The following IL1RAPL1 variants were observed in gnomAD, a reference collection of about 807,000 sequenced individuals.
The protein encoded by IL1RAPL1 is interleukin-1 receptor accessory protein-like 1.
IL1RAPL1 carries 3 observed loss-of-function variants against 48.4 expected under a neutral mutation model. The ratio of observed to expected loss-of-function variants is 0.06; its 90% CI spans 0.03 to 0.16. The LOEUF is 0.16. Among genes scored for constraint, IL1RAPL1 ranks in the 10% least tolerant of loss-of-function variants. The probability of loss-of-function intolerance (pLI) is 1.00; values close to 1 mark genes in which losing one functional copy is unlikely to be tolerated. For synonymous variants in IL1RAPL1, 185 were observed against 187.7 expected (o/e 0.99, Z 0.12); for missense variants, 349 against 530.6 (o/e 0.66, Z 3.36).
chrX:28,810,488 A>C, intron 2 of IL1RAPL1, among the ~76,000 whole-genome samples: 1 of 111,003 alleles, frequency 9.0e-6, no homozygotes, highest in Non-Finnish European at 1.9e-5. Flanking sequence ...CACAGGTATA[A>C]CTATCAATAA....
intron 6 of IL1RAPL1, among the ~76,000 whole-genome samples, chrX:29,683,460 C>T (rs993469423): frequency 1.8e-5 from 2 of 111,994 alleles, no homozygotes; most frequent in Non-Finnish European, 3.8e-5. Context: ...CTTAATTTAT[C>T]TTTGCTTTGA....
At chrX:29,669,932 C>T (rs1363448484) in intron 6 of IL1RAPL1, among the ~76,000 whole-genome samples, 1 of 111,560 alleles carries the variant, frequency 9.0e-6, no homozygotes, top group East Asian at 2.8e-4. Flanking sequence ...TAGCCATGCT[C>T]ATACTGATCT....
At chrX:29,499,432 AT>A (rs1193082507) in intron 5 of IL1RAPL1, among the ~76,000 whole-genome samples, 9 of 110,956 alleles carry the variant, frequency 8.1e-5, no homozygotes, top group African/African-American at 3.0e-4. Context: ...CAGCCTTATG[AT>A]TTTGTCAAAT....
At chrX:29,105,234 A>C (rs1928424851) in intron 2 of IL1RAPL1, among the ~76,000 whole-genome samples, 2 of 112,152 alleles carry the variant, frequency 1.8e-5, no homozygotes, top group Middle Eastern at 4.6e-3. Flanking sequence ...CCAGTCAATG[A>C]ACCAAAGAAA....
At position 29,526,470 on chromosome X, in the gene IL1RAPL1, C is replaced by T. The variant is rs981964069; in HGVS notation, c.703+127162C>T. On this transcript the variant is annotated intron_variant, in intron 5 of 10. Coordinates refer to ENST00000378993, the MANE Select transcript of IL1RAPL1 (RefSeq NM_014271.4). Reference sequence around the variant, plus strand: ...AACTAGAAAAGAAGAAGTAAAATTCCCTCTATTTGCAGATAACATGATAGT... The same window carrying T: ...AACTAGAAAAGAAGAAGTAAAATTCTCTCTATTTGCAGATAACATGATAGT... Among the ~76,000 whole-genome samples the T allele has an allele frequency of 3.6e-5, 4 of 111,211 alleles. No individual in the cohort carries two copies. The Admixed American group carries it at 3.8e-4, about 11-fold the overall frequency.
intron 8 of IL1RAPL1, among the ~76,000 whole-genome samples, chrX:29,931,303 A>C (rs966506041): frequency 1.8e-5 from 2 of 111,854 alleles, no homozygotes; most frequent in Admixed American, 1.9e-4. Context: ...AACATAGAGA[A>C]TAAATATATT....
chrX:29,334,895 A>G (rs1238602251), intron 3 of IL1RAPL1, among the ~76,000 whole-genome samples: 7 of 112,866 alleles, frequency 6.2e-5, no homozygotes, highest in East Asian at 2.8e-4. Flanking sequence ...AGAGGCTGCA[A>G]TCTCGGCACT....
chrX:28,952,012 G>A (rs1013438866), intron 2 of IL1RAPL1, among the ~76,000 whole-genome samples: 3 of 110,635 alleles, frequency 2.7e-5, no homozygotes, highest in African/African-American at 6.6e-5. Flanking sequence ...CTCTCTGGCC[G>A]TGGGCAAGTT....
chrX:28,877,605 C>A (rs1464246380), intron 2 of IL1RAPL1, among the ~76,000 whole-genome samples: 2 of 112,046 alleles, frequency 1.8e-5, no homozygotes, highest in African/African-American at 3.2e-5. Flanking sequence ...TGCTCTAATA[C>A]CTTTCTTTAA....
intron 2 of IL1RAPL1, among the ~76,000 whole-genome samples, chrX:28,990,305 A>G: frequency 8.9e-6 from 1 of 111,837 alleles, no homozygotes; most frequent in Non-Finnish European, 1.9e-5. Context: ...TCCTTTGAGA[A>G]CATATCTAGA....
rs1317222788 is a variant in IL1RAPL1, at chrX:29,347,438, G to T, written c.363-48820G>T. Among the ~76,000 whole-genome samples, 7 of 103,878 alleles carry T rather than the reference G, an allele frequency of 6.7e-5. No individual in the cohort carries two copies. The East Asian group carries it at 1.8e-3, about 27-fold the overall frequency. 90.2% of individuals were successfully genotyped at this position (103,878 alleles called of 115,157 possible). ...GGGTCTCTCTCTATCACCCAGGCTG[G>T]AGTGCAGTAGCATGATGATGGCTCA... is the stretch of plus-strand genomic sequence containing the variant. On this transcript the variant is annotated intron_variant, in intron 3 of 10. Transcript: ENST00000378993.
intron 5 of IL1RAPL1, among the ~76,000 whole-genome samples, chrX:29,573,276 T>G (rs1224040298): frequency 8.9e-6 from 1 of 112,437 alleles, no homozygotes; most frequent in African/African-American, 3.2e-5. Flanking sequence ...GACACAACAT[T>G]CAGACCATAA....
intron 1 of IL1RAPL1, among the ~76,000 whole-genome samples, chrX:28,620,376 A>C (rs1052748362): frequency 8.9e-6 from 1 of 111,858 alleles, no homozygotes; most frequent in African/African-American, 3.3e-5. Flanking sequence ...GTCACCAGAC[A>C]GTCTTCCTCT....
Position 29,609,123 on chromosome X carries a change from A to G in IL1RAPL1, c.704-59307A>G, listed in dbSNP as rs190437723. Among the ~76,000 whole-genome samples the G allele has an allele frequency of 2.9e-3, 330 of 111,967 alleles. 1 individual carries two copies. Among genetic ancestry groups the G allele is most frequent in the Middle Eastern group, 4.6e-3 (1 of 218 alleles). On this transcript the variant is annotated intron_variant, in intron 5 of 10. Transcript: ENST00000378993. ...TCTCTCCATACCAATTGAATCATTC[A>G]TCAAATCATATGGAATCTCCCTATG...
intron 2 of IL1RAPL1, among the ~76,000 whole-genome samples, chrX:28,991,474 A>G (rs1925602313): frequency 8.9e-6 from 1 of 111,991 alleles, no homozygotes; most frequent in Non-Finnish European, 1.9e-5. Context: ...CATGATAAAT[A>G]GAATATCAAA....
chrX:29,896,634 C>G (rs1932388713), intron 6 of IL1RAPL1, among the ~76,000 whole-genome samples: 1 of 112,559 alleles, frequency 8.9e-6, no homozygotes, highest in Non-Finnish European at 1.9e-5. Flanking sequence ...AGATCACAAG[C>G]AGGCTTGAAT....
intron 3 of IL1RAPL1, among the ~76,000 whole-genome samples, chrX:29,363,788 A>G (rs1196902540): frequency 9.0e-6 from 1 of 111,338 alleles, no homozygotes; most frequent in Non-Finnish European, 1.9e-5. Context: ...TGAGAACTCT[A>G]TCACTAGAAC....
Position 29,803,790 on chromosome X carries a change from T to C in IL1RAPL1, c.779-113674T>C, listed in dbSNP as rs143626311. Among the ~76,000 whole-genome samples the C allele has an allele frequency of 1.7e-3, 192 of 109,762 alleles. 1 individual carries two copies. The highest frequency in any genetic ancestry group is 6.0e-3 in the African/African-American group (183 of 30,300). ...CACTTGCATAACATAAGTGCTCAAG[T>C]TTGTGTTTATGTTTACAATGAAGTC... On this transcript the variant is annotated intron_variant, in intron 6 of 10. Transcript: ENST00000378993.
At chrX:29,719,147 T>G (rs73456410) in intron 6 of IL1RAPL1, among the ~76,000 whole-genome samples, 13,386 of 110,742 alleles carry the variant, frequency 0.12, 1,788 homozygotes, top group African/African-American at 0.39. Flanking sequence ...TTTGGTTATG[T>G]TTACCTCCAT....
Sources: gnomAD v4.1 joint callset for allele counts (sites outside exome capture counted in the v4.1 genomes callset) on GRCh38, gnomAD v4.1.1 for gene constraint, MANE v1.5 for transcripts, NCBI Gene and HGNC (gene_info 2026-07-23, HGNC 2026-07-21) for gene names.